Variants in MYO3A observed in about 807,000 individuals in gnomAD.
MYO3A encodes myosin-IIIa.
In MYO3A, 180 loss-of-function variants were observed where a neutral mutation model predicts 192.7. The ratio of observed to expected loss-of-function variants is 0.93; its 90% confidence interval spans 0.83 to 1.06. MYO3A has a LOEUF of 1.06. Ranked by LOEUF, MYO3A falls within the 50% of genes least tolerant of loss-of-function variation. MYO3A has a pLI of 0.00. For synonymous variants in MYO3A, 628 were observed against 645.3 expected (o/e 0.97, Z 0.41); for missense variants, 1,896 against 1,905.0 (o/e 1.00, Z 0.09).
intron 6 of MYO3A, among the ~76,000 whole-genome samples, chr10:26,009,030 A>G (rs1841434128): frequency 6.6e-6 from 1 of 152,052 alleles, no homozygotes; most frequent in Admixed American, 6.6e-5. Context: ...CATATACACC[A>G]TGGAATACTA....
intron 14 of MYO3A, among the ~76,000 whole-genome samples, chr10:26,080,819 T>C (rs1016881571): frequency 2.0e-5 from 3 of 152,160 alleles, no homozygotes; most frequent in African/African-American, 7.2e-5. Context: ...GATTGTTTTC[T>C]CTCTTCTGGG....
At chr10:26,127,756 T>TAA (rs35280151) in intron 19 of MYO3A, among the ~76,000 whole-genome samples, 1 of 144,064 alleles carries the variant, frequency 6.9e-6, no homozygotes, top group East Asian at 2.0e-4. Flanking sequence ...TGACCAATAG[T>TAA]AAAAAAAAAA....
At chr10:26,017,030 A>G (rs1295005544) in intron 7 of MYO3A, 134 bp downstream of exon 7, 1 of 1,007,290 alleles carries the variant, frequency 9.9e-7, no homozygotes, top group African/African-American at 1.6e-5. Flanking sequence ...TTCATGTGAG[A>G]ATTTTGCATG....
At chr10:26,073,021 A>T (rs1406084069) in intron 14 of MYO3A, among the ~76,000 whole-genome samples, 1 of 152,224 alleles carries the variant, frequency 6.6e-6, no homozygotes, top group African/African-American at 2.4e-5. Flanking sequence ...TGAGTCCAGG[A>T]GTTCAAGACC....
intron 20 of MYO3A, among the ~76,000 whole-genome samples, chr10:26,132,533 A>G (rs1030139355): frequency 3.3e-5 from 5 of 152,222 alleles, no homozygotes; most frequent in African/African-American, 1.2e-4. Flanking sequence ...CACCTAGAAC[A>G]TGTGTATGAT....
At chr10:26,006,080 G>C (rs1253124758) in intron 6 of MYO3A, among the ~76,000 whole-genome samples, 1 of 151,996 alleles carries the variant, frequency 6.6e-6, no homozygotes, top group African/African-American at 2.4e-5. Context: ...AACTGCTGTA[G>C]GTTTCAGTCA....
intron 31 of MYO3A, among the ~76,000 whole-genome samples, chr10:26,192,912 C>T (rs1265500688): frequency 6.6e-6 from 1 of 152,124 alleles, no homozygotes; most frequent in Middle Eastern, 3.2e-3. Context: ...GCCTCAGCCT[C>T]CCAAAGTGCT....
intron 26 of MYO3A, among the ~76,000 whole-genome samples, chr10:26,159,363 CT>C (rs60037752): frequency 0.42 from 53,774 of 128,046 alleles, 10,535 homozygotes; most frequent in Middle Eastern, 0.56. Context: ...TTTTCTTTTT[CT>C]TTTTTTTTTT....
At chr10:26,094,895 C>A (rs185700211) in intron 15 of MYO3A, among the ~76,000 whole-genome samples, 175 of 152,150 alleles carry the variant, frequency 1.2e-3, no homozygotes, top group Admixed American at 2.6e-3. Context: ...TTTTTCCGTT[C>A]CATGTACTTC....
chr10:26,166,015 A>C, intron 26 of MYO3A, 52 bp from the exon 27 acceptor site: 31 of 1,426,954 alleles, frequency 2.2e-5, no homozygotes, highest in Non-Finnish European at 2.7e-5. Context: ...ACCAAGCTAC[A>C]GAGATGTTGG....
chr10:25,983,210 G>A (rs937602502), intron 4 of MYO3A, among the ~76,000 whole-genome samples: 12 of 151,326 alleles, frequency 7.9e-5, no homozygotes, highest in Non-Finnish European at 1.5e-4. Flanking sequence ...GAACTTCAGA[G>A]CTTGAAAACA....
At chr10:25,935,515 T>C (rs1417910282) in intron 1 of MYO3A, among the ~76,000 whole-genome samples, 3 of 152,254 alleles carry the variant, frequency 2.0e-5, no homozygotes, top group Non-Finnish European at 1.5e-5. Context: ...AGCATTTTTA[T>C]AATTCAGACG....
chr10:25,941,903 G>A (rs997563154), intron 2 of MYO3A, among the ~76,000 whole-genome samples: 3 of 151,818 alleles, frequency 2.0e-5, no homozygotes, highest in Admixed American at 1.3e-4. Context: ...ACGTCTTCTC[G>A]GCTCATCCCT....
chr10:26,008,455 A>C (rs1464652172), intron 6 of MYO3A, among the ~76,000 whole-genome samples: 1 of 148,202 alleles, frequency 6.7e-6, no homozygotes, highest in Non-Finnish European at 1.5e-5. Context: ...CAACCTACAA[A>C]ATGGGAGAAA....
chr10:26,052,562 C>T (rs1055648279), intron 10 of MYO3A, among the ~76,000 whole-genome samples: 3 of 152,164 alleles, frequency 2.0e-5, no homozygotes, highest in Non-Finnish European at 4.4e-5. Context: ...GTACTCCCGT[C>T]GGTACTACCA....
At chr10:26,136,289 G>A (rs1282278110) in intron 20 of MYO3A, among the ~76,000 whole-genome samples, 3 of 152,136 alleles carry the variant, frequency 2.0e-5, no homozygotes, top group Non-Finnish European at 2.9e-5. Flanking sequence ...AATATTGAGG[G>A]TCATATATAC....
rs890292652 is a variant in MYO3A, at chr10:26,013,219, A to G, written c.509-3601A>G. Among the ~76,000 whole-genome samples the G allele has an allele frequency of 2.0e-5, 3 of 152,178 alleles. No homozygotes were observed. The East Asian group carries it at 5.8e-4, about 29-fold the overall frequency. ...ACTTTTCTAGACATCAGCCTAGGCA[A>G]AGAATTCATGACTAAGACCCCAAAA... is the stretch of plus-strand genomic sequence containing the variant. On this transcript the variant is annotated intron_variant, in intron 6 of 34. Coordinates refer to ENST00000642920, the MANE Select transcript of MYO3A (RefSeq NM_017433.5).
chr10:26,197,058 G>T (rs143989284), intron 32 of MYO3A, among the ~76,000 whole-genome samples: 77 of 152,332 alleles, frequency 5.1e-4, no homozygotes, highest in African/African-American at 1.8e-3. Flanking sequence ...CCAGGGGTTT[G>T]GTTGAGGTCC....
At chr10:25,945,484 T>C (rs1836776163) in intron 2 of MYO3A, among the ~76,000 whole-genome samples, 1 of 152,140 alleles carries the variant, frequency 6.6e-6, no homozygotes, top group South Asian at 2.1e-4. Flanking sequence ...TGTAGAGCTG[T>C]CTGTTTTCCC....
Sources: allele counts gnomAD v4.1 joint callset (sites outside exome capture counted in the v4.1 genomes callset), GRCh38; gene constraint gnomAD v4.1.1; transcripts MANE v1.5; gene names NCBI Gene and HGNC (gene_info 2026-07-23, HGNC 2026-07-21).